Variants in CIP2A observed in about 807,000 individuals in gnomAD.
CIP2A encodes protein CIP2A.
CIP2A carries 103 observed loss-of-function variants against 110.9 expected under a neutral mutation model. The ratio of observed to expected loss-of-function variants is 0.93; its 90% CI spans 0.79 to 1.09. The LOEUF (loss-of-function observed/expected upper bound fraction) is 1.09, where lower values mean the gene tolerates loss of function less well. Among genes scored for constraint, CIP2A ranks in the 50% least tolerant of loss-of-function variants. CIP2A has a pLI of 0.00. For synonymous variants in CIP2A, 381 were observed against 361.6 expected (o/e 1.05, Z -0.61); for missense variants, 1,088 against 1,038.4 (o/e 1.05, Z -0.66).
chr3:108,567,272 T>C (rs1423665980), intron 10 of CIP2A, among the ~76,000 whole-genome samples: 1 of 151,682 alleles, frequency 6.6e-6, no homozygotes, highest in Non-Finnish European at 1.5e-5. Context: ...GTTCTCCAGG[T>C]GATTTTAGGT....
chr3:108,554,390 C>G lies in CIP2A; in HGVS notation c.2310G>C (p.Lys770Asn). ...AGAGATTTTACTTTTCATTTTGTTC[C>G]TTGAGTGACTCATTCAACTTTTTCA... ...ETVKKLNESL[K>N]EQNEKSIAQL... Residue 770 changes from lysine to asparagine, a missense_variant, in exon 18 of 21, where the codon AAG becomes AAC. By Grantham distance (94) the Lys-to-Asn change is moderately conservative. Transcript: ENST00000295746. The G allele has an allele frequency of 6.8e-7, 1 of 1,481,348 alleles. No homozygotes were observed. The highest frequency in any genetic ancestry group is 1.2e-5 in the South Asian group (1 of 84,640). 91.8% of individuals were successfully genotyped at this position (1,481,348 alleles called of 1,614,324 possible).
At chr3:108,563,351 T>C (rs1304530499) in intron 12 of CIP2A, 107 bp from the exon 13 acceptor site, 3 of 710,638 alleles carry the variant, frequency 4.2e-6, no homozygotes, top group Non-Finnish European at 7.5e-6. Context: ...CTAGGCAAAT[T>C]CTAAAATGTT....
chr3:108,566,499 T>C lies in CIP2A; in HGVS notation c.1413A>G (p.Leu471=), dbSNP rs1280477443. The part of the protein sequence containing the change: ...GFGTKVADSE[L]CKLAADVILK... ...GTCATTAGAGTTTATATACTCACCA[T>C]AATTCAGAATCTGCAACCTTTGTTC... The change falls in exon 11 of 21, where the codon TTA becomes TTG. Residue 471 remains leucine (L), a splice_region_variant and synonymous_variant. Coordinates refer to ENST00000295746, the MANE Select transcript of CIP2A (RefSeq NM_020890.3). 6.2e-7 allele frequency: 1 copy of C among 1,606,476 alleles called. No individual in the cohort carries two copies. The highest frequency in any genetic ancestry group is 1.1e-5 in the South Asian group (1 of 89,650).
At chr3:108,562,827 T>G (rs1247976902) in intron 13 of CIP2A, among the ~76,000 whole-genome samples, 1 of 152,052 alleles carries the variant, frequency 6.6e-6, no homozygotes, top group Non-Finnish European at 1.5e-5. Context: ...GGAACTAAAC[T>G]GGGAGGATGT....
chr3:108,589,234 AG>A, intron 1 of CIP2A, 39 bp downstream of exon 1: 1 of 1,457,892 alleles, frequency 6.9e-7, no homozygotes, highest in Non-Finnish European at 9.6e-7. Flanking sequence ...AAGAATTGCT[AG>A]GGGAAGCCCC....
At chr3:108,575,956 G>GTA (rs556267453) in intron 8 of CIP2A, among the ~76,000 whole-genome samples, 43 of 149,820 alleles carry the variant, frequency 2.9e-4, no homozygotes, top group African/African-American at 9.3e-4. Flanking sequence ...ACATATATGT[G>GTA]TATATATATG....
At chr3:108,582,249 C>A in intron 3 of CIP2A, 47 bp from the exon 4 acceptor site, 2 of 802,200 alleles carry the variant, frequency 2.5e-6, no homozygotes, top group East Asian at 2.7e-5. Flanking sequence ...AAAAACATTG[C>A]CTGCTTAAAA....
chr3:108,566,350 T>C, intron 11 of CIP2A, 147 bp downstream of exon 11: 1 of 598,056 alleles, frequency 1.7e-6, no homozygotes. Context: ...TGAATGAATT[T>C]ACAAAAAATT....
chr3:108,582,856 C>T (rs369278801), intron 3 of CIP2A, 121 bp downstream of exon 3: 9 of 448,826 alleles, frequency 2.0e-5, no homozygotes, highest in Middle Eastern at 3.0e-4. Flanking sequence ...ATGAACTGTG[C>T]CTAATCATGT....
intron 8 of CIP2A, among the ~76,000 whole-genome samples, chr3:108,575,907 TATACATATACGTATATATAC>T (rs1262251003): frequency 1.1e-4 from 16 of 148,160 alleles, no homozygotes; most frequent in African/African-American, 3.8e-4. Context: ...TATATACATA[TATACATATACGTATATATAC>T]ATACATATAC....
intron 1 of CIP2A, among the ~76,000 whole-genome samples, chr3:108,587,330 C>G (rs968705041): frequency 6.6e-6 from 1 of 152,038 alleles, no homozygotes; most frequent in Non-Finnish European, 1.5e-5. Flanking sequence ...CAATAGAATT[C>G]TACACATCAA....
chr3:108,574,891 T>G (rs796148869), intron 8 of CIP2A: 33 of 152,672 alleles, frequency 2.2e-4, no homozygotes, highest in African/African-American at 7.2e-4. Flanking sequence ...CAGCGCCAAG[T>G]TCAAGGTCCC....
chr3:108,557,495 C>T, intron 16 of CIP2A, 81 bp from the exon 17 acceptor site: 2 of 1,035,650 alleles, frequency 1.9e-6, no homozygotes, highest in Non-Finnish European at 2.7e-6. Context: ...TAAAAGTTTA[C>T]TAAGTATCTA....
At chr3:108,584,815 G>A in intron 2 of CIP2A, 1 of 321,602 alleles carries the variant, frequency 3.1e-6, no homozygotes, top group Non-Finnish European at 5.6e-6. Context: ...AAGAAATGGG[G>A]GAAAAGATAG....
intron 7 of CIP2A, among the ~76,000 whole-genome samples, chr3:108,579,046 C>T (rs904928998): frequency 1.3e-5 from 2 of 151,936 alleles, no homozygotes; most frequent in African/African-American, 4.8e-5. Flanking sequence ...AATGGCACAA[C>T]CCTATTGATC....
At chr3:108,570,543 T>C (rs1406461341) in intron 8 of CIP2A, among the ~76,000 whole-genome samples, 2 of 152,290 alleles carry the variant, frequency 1.3e-5, no homozygotes, top group East Asian at 1.9e-4. Context: ...TACAAAACTG[T>C]ACAGAATATT....
intron 11 of CIP2A, 81 bp from the exon 12 acceptor site, chr3:108,565,535 G>A (rs9868995): frequency 2.9e-6 from 2 of 700,700 alleles, no homozygotes; most frequent in African/African-American, 1.9e-5. Flanking sequence ...TAAAGAAAAT[G>A]AAAAAAACCA....
chr3:108,555,202 G>A (rs1307270688), intron 17 of CIP2A, among the ~76,000 whole-genome samples: 2 of 152,152 alleles, frequency 1.3e-5, no homozygotes, highest in Non-Finnish European at 2.9e-5. Flanking sequence ...AACATAAGCA[G>A]GTCTTAGAAA....
Position 108,551,081 on chromosome 3 carries a change from A to AC in CIP2A, c.*67dup, listed in dbSNP as rs941778306. 7.8e-5 allele frequency: 16 copies of AC among 204,836 alleles called. No homozygotes were observed. In the East Asian group the frequency reaches 1.2e-3, roughly 15 times the overall value. 12.7% of individuals were successfully genotyped at this position (204,836 alleles called of 1,614,324 possible). A position where few individuals can be genotyped will look rare whatever the true frequency, so the allele number is the denominator to read the frequency against. On this transcript the variant is annotated 3_prime_UTR_variant, in exon 21 of 21. Transcript: ENST00000295746. ...AAGTCACAAATTAACTCCCCTACCCACCCCCCCTCCAATAGATAAATACAT... is the reference window on the plus strand; with the variant it reads ...AAGTCACAAATTAACTCCCCTACCCACCCCCCCCTCCAATAGATAAATACAT...
Sources: gnomAD v4.1 joint callset for allele counts (sites outside exome capture counted in the v4.1 genomes callset) on GRCh38, gnomAD v4.1.1 for gene constraint, MANE v1.5 for transcripts, NCBI Gene and HGNC (gene_info 2026-07-23, HGNC 2026-07-21) for gene names.